The following SPAG16 variants were observed in gnomAD, a reference collection of about 807,000 sequenced individuals.
SPAG16 encodes the protein sperm-associated antigen 16 protein.
A neutral mutation model predicts 80.4 loss-of-function variants in SPAG16; 86 were observed. The observed-to-expected ratio is 1.07, with a 90% CI of 0.90 to 1.28. The LOEUF (loss-of-function observed/expected upper bound fraction) is 1.28. Ranked by LOEUF, SPAG16 falls within the 50% of genes most tolerant of loss-of-function variation. The pLI, the probability that SPAG16 is intolerant of heterozygous loss-of-function variation, is 0.00. For synonymous variants in SPAG16, 294 were observed against 265.9 expected (o/e 1.11, Z -1.03); for missense variants, 870 against 765.3 (o/e 1.14, Z -1.61).
chr2:213,719,897 T>C (rs931588299), intron 10 of SPAG16, among the ~76,000 whole-genome samples: 1 of 152,186 alleles, frequency 6.6e-6, no homozygotes, highest in East Asian at 1.9e-4. Flanking sequence ...CGTATGTTTA[T>C]TGCAACACTG....
chr2:214,074,873 C>G (rs1336859129), intron 13 of SPAG16, among the ~76,000 whole-genome samples: 1 of 152,054 alleles, frequency 6.6e-6, no homozygotes, highest in African/African-American at 2.4e-5. Flanking sequence ...CAAAGTAAAA[C>G]AGCAGATAAC....
At chr2:213,814,596 C>A (rs550447860) in intron 10 of SPAG16, among the ~76,000 whole-genome samples, 4 of 152,208 alleles carry the variant, frequency 2.6e-5, no homozygotes, top group African/African-American at 9.6e-5. Flanking sequence ...TTGAGAACAG[C>A]CTGGCCAACA....
chr2:214,040,103 G>A (rs1166601617), intron 13 of SPAG16, among the ~76,000 whole-genome samples: 1 of 152,180 alleles, frequency 6.6e-6, no homozygotes, highest in Non-Finnish European at 1.5e-5. Context: ...CTTAGCTTCT[G>A]CAATAGTGAT....
At chr2:213,302,889 TC>T (rs979482480) in intron 3 of SPAG16, among the ~76,000 whole-genome samples, 3 of 152,068 alleles carry the variant, frequency 2.0e-5, no homozygotes, top group African/African-American at 7.2e-5. Context: ...ACAACAAACA[TC>T]CTTTAACCTG....
At chr2:214,339,217 C>T (rs1326592348) in intron 15 of SPAG16, among the ~76,000 whole-genome samples, 2 of 152,044 alleles carry the variant, frequency 1.3e-5, no homozygotes, top group Admixed American at 6.6e-5. Context: ...GACTGAGTTA[C>T]CTTTTTGGTA....
At chr2:213,965,662 C>T (rs1025912443) in intron 12 of SPAG16, among the ~76,000 whole-genome samples, 12 of 152,286 alleles carry the variant, frequency 7.9e-5, no homozygotes, top group South Asian at 4.1e-4. Flanking sequence ...TAATTGCTTA[C>T]GACCAAAGTC....
At chr2:213,343,305 CAA>C (rs1007444391) in intron 6 of SPAG16, among the ~76,000 whole-genome samples, 2 of 152,086 alleles carry the variant, frequency 1.3e-5, no homozygotes, top group Non-Finnish European at 2.9e-5. Context: ...TGGTCCTAGA[CAA>C]AGTGTTGCTT....
At chr2:213,631,952 C>A (rs959376784) in intron 10 of SPAG16, among the ~76,000 whole-genome samples, 2 of 152,044 alleles carry the variant, frequency 1.3e-5, no homozygotes, top group African/African-American at 4.8e-5. Context: ...TTTGGAATAG[C>A]TTTGGCTATT....
chr2:213,995,874 A>G (rs1345777343), intron 12 of SPAG16, among the ~76,000 whole-genome samples: 1 of 152,202 alleles, frequency 6.6e-6, no homozygotes, highest in Non-Finnish European at 1.5e-5. Context: ...AGGCAATGCA[A>G]TAGAATGATA....
rs1410396491 is a variant in SPAG16 at position 214,041,978 on chromosome 2, G to GTGTATATATATATA, written c.1527+27902_1527+27903insGTATATATATATAT. Among the ~76,000 whole-genome samples, 343 of 116,298 alleles carry GTGTATATATATATA rather than the reference G, an allele frequency of 2.9e-3. 2 individuals carry two copies. The highest frequency in any genetic ancestry group is 0.01 in the African/African-American group (315 of 30,848). 76.3% of individuals were successfully genotyped at this position (116,298 alleles called of 152,430 possible). A position where few individuals can be genotyped will look rare whatever the true frequency, so the allele number is the denominator to read the frequency against. On this transcript the variant is annotated intron_variant, in intron 13 of 15. Coordinates refer to ENST00000331683, the MANE Select transcript of SPAG16 (RefSeq NM_024532.5). Reference sequence around the variant, plus strand: ...TGTATATATTTGTGTGTCTGTGTGTGTATATATATATATATATATATATAT... The same window carrying GTGTATATATATATA: ...TGTATATATTTGTGTGTCTGTGTGTGTGTATATATATATATATATATATATATATATATATATAT...
chr2:213,362,837 C>T (rs1357937140), intron 7 of SPAG16, among the ~76,000 whole-genome samples: 1 of 152,134 alleles, frequency 6.6e-6, no homozygotes, highest in African/African-American at 2.4e-5. Flanking sequence ...GTTCTGCAGG[C>T]TGTAGAAGAA....
At chr2:213,799,915 C>T (rs1275559222) in intron 10 of SPAG16, among the ~76,000 whole-genome samples, 1 of 148,970 alleles carries the variant, frequency 6.7e-6, no homozygotes, top group African/African-American at 2.5e-5. Flanking sequence ...GATAAACATG[C>T]ATGTGCAGTG....
At chr2:214,086,154 G>A (rs562130239) in intron 13 of SPAG16, among the ~76,000 whole-genome samples, 4 of 152,168 alleles carry the variant, frequency 2.6e-5, no homozygotes, top group African/African-American at 9.6e-5. Context: ...GTAAACTTCT[G>A]ACAGTGACAC....
intron 15 of SPAG16, among the ~76,000 whole-genome samples, chr2:214,168,601 G>A (rs2056755085): frequency 6.6e-6 from 1 of 152,028 alleles, no homozygotes; most frequent in African/African-American, 2.4e-5. Context: ...TAGATAAGAT[G>A]TGCAGGAAAG....
intron 15 of SPAG16, among the ~76,000 whole-genome samples, chr2:214,384,480 G>T (rs1331227740): frequency 6.6e-6 from 1 of 152,182 alleles, no homozygotes; most frequent in Admixed American, 6.6e-5. Context: ...TTGGGTTTCA[G>T]AGTAGTGCCA....
chr2:214,062,191 G>A (rs2050298922), intron 13 of SPAG16, among the ~76,000 whole-genome samples: 1 of 151,892 alleles, frequency 6.6e-6, no homozygotes, highest in African/African-American at 2.4e-5. Context: ...AGGCCGAAGT[G>A]GGCAGATCCC....
chr2:214,127,246 T>C (rs967922708), intron 14 of SPAG16, among the ~76,000 whole-genome samples: 1 of 151,838 alleles, frequency 6.6e-6, no homozygotes, highest in African/African-American at 2.4e-5. Flanking sequence ...TGAAATTAAG[T>C]GTCTGCCTCA....
At chr2:214,102,691 A>C (rs1025786608) in intron 13 of SPAG16, among the ~76,000 whole-genome samples, 8 of 152,094 alleles carry the variant, frequency 5.3e-5, no homozygotes, top group Admixed American at 1.3e-4. Context: ...TGATTTACCG[A>C]CGGCAAATCC....
chr2:214,022,796 C>T (rs767546019), intron 13 of SPAG16, among the ~76,000 whole-genome samples: 1 of 152,024 alleles, frequency 6.6e-6, no homozygotes, highest in Non-Finnish European at 1.5e-5. Flanking sequence ...CCCTATTTCA[C>T]TTTTATTTCT....
Sources: gnomAD v4.1 joint callset for allele counts (sites outside exome capture counted in the v4.1 genomes callset) on GRCh38, gnomAD v4.1.1 for gene constraint, MANE v1.5 for transcripts, NCBI Gene and HGNC (gene_info 2026-07-23, HGNC 2026-07-21) for gene names.